Variants in ENKUR observed in about 807,000 individuals in gnomAD.
ENKUR encodes the protein enkurin, TRPC channel interacting protein.
In ENKUR, 19 loss-of-function variants were observed where a neutral mutation model predicts 27.6. The ratio of observed to expected loss-of-function variants is 0.69; its 90% CI spans 0.48 to 1.01. The LOEUF is 1.01. Among genes scored for constraint, ENKUR ranks in the 50% least tolerant of loss-of-function variants. The pLI is 0.00. For missense variants in ENKUR, 312 were observed against 310.5 expected (o/e 1.00, Z -0.04); for synonymous variants, 117 against 96.9 (o/e 1.21, Z -1.22).
rs534509432 is a variant in ENKUR, at chr10:25,009,023, G to A, written c.77+6837C>T. Among the ~76,000 whole-genome samples the A allele has an allele frequency of 8.5e-5, 13 of 152,144 alleles. No individual in the cohort carries two copies. The South Asian group carries it at 2.1e-3, about 24-fold the overall frequency. On this transcript the variant is annotated intron_variant, in intron 1 of 5. Coordinates refer to ENST00000331161, the MANE Select transcript of ENKUR (RefSeq NM_145010.4). ...TCACAAGGACAAAAAACCAAACACC[G>A]CATGTTCTCACTCATAGGTGGGAAT...
At chr10:24,993,105 G>A (rs1009857289) in intron 3 of ENKUR, among the ~76,000 whole-genome samples, 6 of 152,100 alleles carry the variant, frequency 3.9e-5, no homozygotes, top group Non-Finnish European at 8.8e-5. Flanking sequence ...ACCAGCCTGG[G>A]CAACATAGTG....
chr10:25,029,702 T>C (rs1234756568), intron 2 of ENKUR, among the ~76,000 whole-genome samples: 1 of 152,168 alleles, frequency 6.6e-6, no homozygotes, highest in Non-Finnish European at 1.5e-5. Context: ...TCTTCAACTT[T>C]TTATCATTTT....
At chr10:25,018,905 A>G (rs1048673264), upstream of ENKUR, among the ~76,000 whole-genome samples, 13 of 152,206 alleles carry the variant, frequency 8.5e-5, no homozygotes, top group Admixed American at 8.5e-4. Flanking sequence ...TGATAGTAAT[A>G]TAAAGACTAA....
chr10:25,028,083 C>G (rs749112267), intron 2 of ENKUR, among the ~76,000 whole-genome samples: 4 of 152,012 alleles, frequency 2.6e-5, no homozygotes, highest in Non-Finnish European at 4.4e-5. Flanking sequence ...TAAGATGAAT[C>G]TTGAAGGATG....
intron 2 of ENKUR, chr10:25,024,851 T>G (rs745868431): frequency 1.2e-6 from 2 of 1,614,074 alleles, no homozygotes; most frequent in South Asian, 2.2e-5. Context: ...TTGACTGATT[T>G]TATAAAAACA....
In ENKUR at chr10:25,032,314, AG is replaced by A. The variant is rs60412096; in HGVS notation, c.37+28797del. Among the ~76,000 whole-genome samples the A allele has an allele frequency of 1.2e-3, 166 of 137,270 alleles. 1 individual carries two copies. In the East Asian group the frequency reaches 0.015, roughly 12 times the overall value. The allele number at this position is 137,270 out of a possible 152,430, so 90.1% of individuals were successfully genotyped here. ...CAGGGAATTAGAATCAGAGTAAAGA[AG>A]GGGGGGGGGCTATGATCGTTACCAT... is the stretch of plus-strand genomic sequence containing the variant. On this transcript the variant is annotated intron_variant, in intron 2 of 5. Transcript: ENST00000615958.
At chr10:24,986,689 A>G (rs1405025710) in intron 4 of ENKUR, among the ~76,000 whole-genome samples, 1 of 152,160 alleles carries the variant, frequency 6.6e-6, no homozygotes, top group Non-Finnish European at 1.5e-5. Context: ...TTTAAAGGAT[A>G]GTTTGCTTTT....
At chr10:25,016,215 AC>A, upstream of ENKUR, 4 of 1,129,996 alleles carry the variant, frequency 3.5e-6, no homozygotes, top group Non-Finnish European at 4.3e-6. Context: ...AGCACCGCAA[AC>A]TAGGTCTCCC....
intron 2 of ENKUR, chr10:25,061,075 G>A: frequency 6.5e-7 from 1 of 1,534,264 alleles, no homozygotes; most frequent in Non-Finnish European, 8.7e-7. Flanking sequence ...TGGCTGCCCA[G>A]ATGCAAAACC....
intron 2 of ENKUR, chr10:25,025,420 C>T (rs1564351221): frequency 6.2e-7 from 1 of 1,610,388 alleles, no homozygotes; most frequent in African/African-American, 1.3e-5. Flanking sequence ...CTTGAAGAGT[C>T]ATGTGGAACA....
intron 4 of ENKUR, among the ~76,000 whole-genome samples, chr10:24,989,960 T>C (rs1016767765): frequency 2.6e-5 from 4 of 152,146 alleles, no homozygotes; most frequent in Non-Finnish European, 4.4e-5. Context: ...TTTAAGTCTA[T>C]GTAATTAAAA....
chr10:24,996,454 G>GTATATATATATATA lies in ENKUR; in HGVS notation c.224-586_224-585insTATATATATATATA, dbSNP rs774819339. On this transcript the variant is annotated intron_variant, in intron 2 of 5. Coordinates refer to ENST00000331161, the MANE Select transcript of ENKUR (RefSeq NM_145010.4). ...ATCATATATGTGTGTGTGTGTGTGT[G>GTATATATATATATA]TGTATATATATATATATGAACAGTA... Among the ~76,000 whole-genome samples, 28 of 149,498 alleles carry GTATATATATATATA rather than the reference G, an allele frequency of 1.9e-4. 1 individual carries two copies. The highest frequency in any genetic ancestry group is 6.1e-4 in the African/African-American group (24 of 39,158).
chr10:25,023,143 T>C (rs1336704692), intron 2 of ENKUR: 21 of 1,377,072 alleles, frequency 1.5e-5, no homozygotes, highest in Non-Finnish European at 2.1e-5. Context: ...AATTATCTTT[T>C]GTTGTTTTTT....
At chr10:25,024,962 C>G (rs1850818038) in intron 2 of ENKUR, 1 of 1,614,078 alleles carries the variant, frequency 6.2e-7, no homozygotes. Flanking sequence ...CACTTGATGG[C>G]TAATAAAGAT....
At chr10:24,989,550 A>G (rs1465175225) in intron 4 of ENKUR, among the ~76,000 whole-genome samples, 2 of 152,184 alleles carry the variant, frequency 1.3e-5, no homozygotes. Flanking sequence ...GATCCATAGT[A>G]CCTCTCACTA....
rs1326772334 is a variant in ENKUR at position 25,044,603 on chromosome 10, C to A, written c.37+16509G>T. Among the ~76,000 whole-genome samples the A allele has an allele frequency of 4.7e-4, 71 of 152,142 alleles. 1 individual carries two copies. Among genetic ancestry groups the A allele is most frequent in the Non-Finnish European group, 8.8e-5 (6 of 68,032 alleles). On this transcript the variant is annotated intron_variant, in intron 2 of 5. Transcript: ENST00000615958. The stretch of plus-strand genomic sequence containing the variant: ...GTAGAGACATAGTCTCGCTATGTTG[C>A]CCAGGCTGGTCTTGAATTCCTGGCC...
At chr10:25,059,953 C>T (rs946763753) in intron 2 of ENKUR, among the ~76,000 whole-genome samples, 9 of 152,296 alleles carry the variant, frequency 5.9e-5, no homozygotes, top group South Asian at 2.1e-4. Flanking sequence ...CATTTTGCCT[C>T]GGGCAGCCTT....
At chr10:25,052,770 C>CT (rs75625309) in intron 2 of ENKUR, among the ~76,000 whole-genome samples, 3 of 151,514 alleles carry the variant, frequency 2.0e-5, no homozygotes, top group Middle Eastern at 3.4e-3. Flanking sequence ...GAGACTCTCT[C>CT]TTTTTTTTCT....
chr10:24,988,376 G>GTATATATGTGTATATATT (rs933018335), intron 4 of ENKUR, among the ~76,000 whole-genome samples: 12 of 141,428 alleles, frequency 8.5e-5, no homozygotes, highest in Non-Finnish European at 1.8e-4. Context: ...ATTTATATAT[G>GTATATATGTGTATATATT]TATATATGTG....
Sources: allele counts gnomAD v4.1 joint callset (sites outside exome capture counted in the v4.1 genomes callset), GRCh38; gene constraint gnomAD v4.1.1; transcripts MANE v1.5; gene names NCBI Gene and HGNC (gene_info 2026-07-23, HGNC 2026-07-21).